The following DAB1 variants were observed in gnomAD, a reference collection of about 807,000 sequenced individuals.
DAB1 encodes the protein disabled homolog 1.
A neutral mutation model predicts 64.6 loss-of-function variants in DAB1; 15 were observed. That is an observed-to-expected ratio of 0.23 (90% CI 0.16 to 0.36). The LOEUF is 0.36. Ranked by LOEUF, DAB1 falls within the 10% of genes least tolerant of loss-of-function variation. The pLI is 1.00. For synonymous variants in DAB1, 235 were observed against 251.9 expected, an observed-to-expected ratio of 0.93 and a Z score of 0.64; for missense variants, 596 against 706.7, an observed-to-expected ratio of 0.84 and a Z score of 1.78.
chr1:57,886,718 T>C (rs575719344), upstream of DAB1, among the ~76,000 whole-genome samples: 14 of 152,276 alleles, frequency 9.2e-5, no homozygotes, highest in Non-Finnish European at 1.3e-4. Context: ...CACTGAAATA[T>C]TAGTGTAATA....
intron 2 of DAB1, among the ~76,000 whole-genome samples, chr1:57,241,816 C>T (rs1002658765): frequency 6.6e-6 from 1 of 152,154 alleles, no homozygotes; most frequent in Non-Finnish European, 1.5e-5. Flanking sequence ...ACCTGCTGGG[C>T]TTCAAACACT....
Position 57,946,537 on chromosome 1 carries a change from G to A in DAB1, n.388-62375C>T, listed in dbSNP as rs191707187. ...ATAGGGTTGCATCAACAGGCTCTTT[G>A]CTTTGGGCATTCTGTTGGATTCAAA... On this transcript the variant is annotated intron_variant and non_coding_transcript_variant, in intron 5 of 20. Transcript: ENST00000485760. 2.9e-3 allele frequency among the ~76,000 whole-genome samples: 435 copies of A among 152,316 alleles called. 4 individuals carry two copies. The highest frequency in any genetic ancestry group is 9.8e-3 in the African/African-American group (407 of 41,570).
chr1:57,892,762 T>C (rs1644335965), intron 5 of DAB1, among the ~76,000 whole-genome samples: 1 of 152,232 alleles, frequency 6.6e-6, no homozygotes, highest in Admixed American at 6.5e-5. Flanking sequence ...TCCTTGAGAC[T>C]GAGACCCTGT....
intron 2 of DAB1, among the ~76,000 whole-genome samples, chr1:57,168,163 A>G (rs1046607898): frequency 6.6e-6 from 1 of 152,186 alleles, no homozygotes; most frequent in Non-Finnish European, 1.5e-5. Flanking sequence ...AAATGACAAG[A>G]TTACTCTTCA....
chr1:58,007,304 T>G (rs1000382357), intron 5 of DAB1, among the ~76,000 whole-genome samples: 4 of 152,328 alleles, frequency 2.6e-5, no homozygotes, highest in South Asian at 2.1e-4. Context: ...AGCCAATCCC[T>G]CATCCTCAGA....
chr1:57,442,814 C>G (rs1200752871), intron 7 of DAB1, among the ~76,000 whole-genome samples: 1 of 152,218 alleles, frequency 6.6e-6, no homozygotes, highest in African/African-American at 2.4e-5. Flanking sequence ...ATTTTAGAAG[C>G]TGCCTATGCA....
At chr1:57,796,728 C>T (rs1650892085) in intron 6 of DAB1, among the ~76,000 whole-genome samples, 1 of 152,014 alleles carries the variant, frequency 6.6e-6, no homozygotes, top group Non-Finnish European at 1.5e-5. Context: ...GCCTCTGGAA[C>T]CATCAGCCTT....
chr1:57,053,316 T>A (rs1021206979), intron 9 of DAB1, among the ~76,000 whole-genome samples: 1 of 151,556 alleles, frequency 6.6e-6, no homozygotes, highest in Non-Finnish European at 1.5e-5. Flanking sequence ...TGTGCAATCA[T>A]AGCTCACTGC....
chr1:57,136,532 G>C lies in DAB1; in HGVS notation c.306+11C>G. On this transcript the variant is annotated intron_variant, in intron 4 of 14. Coordinates refer to ENST00000371236, the MANE Select transcript of DAB1 (RefSeq NM_001365792.1). Reference sequence around the variant, plus strand: ...TAAAATTTCACAATGCCATGTGATTGCTTTACTTACCCCTGTCTTCTCATC... The same window carrying C: ...TAAAATTTCACAATGCCATGTGATTCCTTTACTTACCCCTGTCTTCTCATC... 1 of 1,441,878 alleles carries C rather than the reference G, an allele frequency of 6.9e-7. No individual in the cohort carries two copies. 89.3% of individuals were successfully genotyped at this position (1,441,878 alleles called of 1,614,324 possible). A position where few individuals can be genotyped will look rare whatever the true frequency, so the allele number is the denominator to read the frequency against.
At chr1:58,350,466 G>T (rs1644044711) in intron 3 of DAB1, among the ~76,000 whole-genome samples, 1 of 152,106 alleles carries the variant, frequency 6.6e-6, no homozygotes, top group East Asian at 1.9e-4. Flanking sequence ...AGTTTAATTA[G>T]ATCCCATTTG....
chr1:57,991,030 T>C (rs377225212), intron 5 of DAB1, among the ~76,000 whole-genome samples: 100 of 152,324 alleles, frequency 6.6e-4, no homozygotes, highest in African/African-American at 2.3e-3. Context: ...GGGCTCTGTA[T>C]GATGCCATCG....
At chr1:57,517,357 T>C (rs1335875522) in intron 7 of DAB1, among the ~76,000 whole-genome samples, 1 of 152,184 alleles carries the variant, frequency 6.6e-6, no homozygotes, top group East Asian at 1.9e-4. Context: ...TCCTTTTCTT[T>C]TTCTTCATTA....
chr1:57,092,043 T>A (rs367545256), intron 4 of DAB1, among the ~76,000 whole-genome samples: 6 of 152,318 alleles, frequency 3.9e-5, no homozygotes, highest in African/African-American at 1.4e-4. Flanking sequence ...TGGGATTAGA[T>A]GCAGAAAAGG....
At chr1:57,076,266 C>A (rs2100611010) in intron 4 of DAB1, among the ~76,000 whole-genome samples, 1 of 152,218 alleles carries the variant, frequency 6.6e-6, no homozygotes, top group African/African-American at 2.4e-5. Context: ...GAGTGGGAGG[C>A]AGAGGGTGAA....
At position 58,402,193 on chromosome 1, in the gene DAB1, G is replaced by A. The variant is rs112616581; in HGVS notation, n.258-58790C>T. Among the ~76,000 whole-genome samples the A allele has an allele frequency of 3.5e-3, 538 of 152,230 alleles. 4 individuals carry two copies. Among genetic ancestry groups the A allele is most frequent in the African/African-American group, 0.012 (509 of 41,522 alleles). On this transcript the variant is annotated intron_variant and non_coding_transcript_variant, in intron 3 of 20. Transcript: ENST00000485760. ...AAAGAGCTCCAACTCCACTCCAGCC[G>A]TATCATTCCAGCAGAGCTGCCAGCC...
intron 7 of DAB1, among the ~76,000 whole-genome samples, chr1:57,569,318 C>G (rs575496848): frequency 6.9e-6 from 1 of 145,400 alleles, no homozygotes; most frequent in East Asian, 2.1e-4. Flanking sequence ...GTCACAATAG[C>G]AAAGACTTGG....
intron 4 of DAB1, among the ~76,000 whole-genome samples, chr1:58,265,644 TTAAA>T (rs1207535714): frequency 6.6e-6 from 1 of 152,172 alleles, no homozygotes; most frequent in Non-Finnish European, 1.5e-5. Context: ...ATTTTCTACT[TTAAA>T]TAACCTAATA....
At chr1:57,238,971 T>G (rs1217104865) in intron 2 of DAB1, among the ~76,000 whole-genome samples, 1 of 152,134 alleles carries the variant, frequency 6.6e-6, no homozygotes, top group Non-Finnish European at 1.5e-5. Context: ...AAGATTTTTT[T>G]TCTGTAAATC....
intron 3 of DAB1, among the ~76,000 whole-genome samples, chr1:58,491,885 G>T (rs1645699397): frequency 6.6e-6 from 1 of 152,116 alleles, no homozygotes; most frequent in African/African-American, 2.4e-5. Flanking sequence ...GGATATCCAG[G>T]AATTGAACTC....
Sources: gnomAD v4.1 joint callset for allele counts (sites outside exome capture counted in the v4.1 genomes callset) on GRCh38, gnomAD v4.1.1 for gene constraint, MANE v1.5 for transcripts, NCBI Gene and HGNC (gene_info 2026-07-23, HGNC 2026-07-21) for gene names.